The following ZNF7 variants were observed in gnomAD, a reference collection of about 807,000 sequenced individuals.
The protein encoded by ZNF7 is C2-H2 type zinc finger protein.
In ZNF7, 10 loss-of-function variants were observed where a neutral mutation model predicts 12.0. The observed-to-expected ratio is 0.83, with a 90% CI of 0.51 to 1.42. ZNF7 has a LOEUF of 1.42. Ranked by LOEUF, ZNF7 falls within the 40% of genes most tolerant of loss-of-function variation. The probability of loss-of-function intolerance (pLI) is 0.00; values close to 1 mark genes in which losing one functional copy is unlikely to be tolerated. For synonymous variants in ZNF7, 334 were observed against 295.0 expected (o/e 1.13, Z -1.35); for missense variants, 854 against 837.2 (o/e 1.02, Z -0.25).
chr8:144,837,941 T>C (rs916689359), intron 4 of ZNF7: 32 of 639,028 alleles, frequency 5.0e-5, no homozygotes, highest in Non-Finnish European at 8.9e-5. Context: ...ATTACTTTCC[T>C]GTGGCTGCCA....
rs201182747 is a variant in ZNF7, at chr8:144,838,523, C to CCT, written c.247+1018_247+1019dup. 7.7e-3 allele frequency: 1,490 copies of CCT among 192,800 alleles called. 24 individuals carry two copies. The highest frequency in any genetic ancestry group is 0.032 in the African/African-American group (1,368 of 42,954). The allele number at this position is 192,800 out of a possible 1,614,324, so 11.9% of individuals were successfully genotyped here. A position where few individuals can be genotyped will look rare whatever the true frequency, so the allele number is the denominator to read the frequency against. ...TCAGCTGCAGAAAGGAAGCCCCTCA[C>CCT]CTCCCTTTCAGTTGCTGCTGGGTCA... On this transcript the variant is annotated intron_variant, in intron 4 of 4. Coordinates refer to ENST00000532777, the MANE Select transcript of ZNF7 (RefSeq NM_003416.4).
rs56279420 is a variant in ZNF7 at position 144,843,526 on chromosome 8, T to C, written c.*358T>C. 0.24 allele frequency: 37,569 copies of C among 158,380 alleles called. 5,034 individuals carry two copies. The highest frequency in any genetic ancestry group is 0.31 in the Non-Finnish European group (22,777 of 74,228). The allele number at this position is 158,380 out of a possible 1,614,324, so 9.8% of individuals were successfully genotyped here. A position where few individuals can be genotyped will look rare whatever the true frequency, so the allele number is the denominator to read the frequency against. ...TGGCATCAGCCCAGGAGGCGGAGCT[T>C]GCAGTGAGCTGAGATCGCGCCACTG... On this transcript the variant is annotated 3_prime_UTR_variant, in exon 5 of 5. Coordinates refer to ENST00000532777, the MANE Select transcript of ZNF7 (RefSeq NM_003416.4).
At chr8:144,827,983 C>T (rs1053347688) in intron 1 of ZNF7, 18 of 152,434 alleles carry the variant, frequency 1.2e-4, no homozygotes, top group Admixed American at 9.8e-4. Context: ...AGAGCCTTTT[C>T]TCTTTCTATT....
Position 144,837,392 on chromosome 8 carries a change from A to T in ZNF7, c.132A>T (p.Ala44=). The T allele has an allele frequency of 6.2e-7, 1 of 1,607,190 alleles. No homozygotes were observed. The highest frequency in any genetic ancestry group is 8.5e-7 in the Non-Finnish European group (1 of 1,174,528). The change falls in exon 4 of 5, where the codon GCA becomes GCT. Residue 44 remains alanine, a splice_region_variant and synonymous_variant. Coordinates refer to ENST00000532777, the MANE Select transcript of ZNF7 (RefSeq NM_003416.4). ...LENHSSVAGL[A]GFLVFKPELI... is the part of the protein sequence containing the mutation. Reference sequence around the variant, plus strand: ...TTGTCTTCTCTGCCGCACACACAGCAGGATTCCTGGTTTTCAAGCCTGAGC... The same window carrying T: ...TTGTCTTCTCTGCCGCACACACAGCTGGATTCCTGGTTTTCAAGCCTGAGC...
At chr8:144,845,907 G>A (rs1830486078), downstream of ZNF7, 1 of 1,450,410 alleles carries the variant, frequency 6.9e-7, no homozygotes, top group Admixed American at 2.1e-5. Context: ...GGTCTTGGCA[G>A]GTAATGTGCT....
intron 3 of ZNF7, chr8:144,836,409 CACTT>C (rs1828995567): frequency 6.6e-6 from 1 of 152,182 alleles, no homozygotes; most frequent in Non-Finnish European, 1.5e-5. Flanking sequence ...ATACAGTTGC[CACTT>C]AGTCATTTAT....
In ZNF7 at chr8:144,841,619, G is replaced by A. The variant is rs748376984; in HGVS notation, c.512G>A (p.Cys171Tyr). The A allele has an allele frequency of 3.1e-6, 5 of 1,614,134 alleles. No individual in the cohort carries two copies. In the South Asian group the frequency reaches 3.3e-5, roughly 11 times the overall value. ...KTFTKDAPQG[C>Y]KELGSSGLDC... is the part of the protein sequence containing the mutation. ...TTCACCAAGGACGCACCCCAGGGAT[G>A]TAAGGAGCTGGGAAGCAGCGGCCTG... is the stretch of plus-strand genomic sequence containing the variant. The change falls in exon 5 of 5, where the codon TGT becomes TAT. Residue 171 changes from cysteine to tyrosine, a missense_variant. Transcript: ENST00000532777.
chr8:144,828,079 C>T (rs1016274996), intron 1 of ZNF7: 1 of 152,412 alleles, frequency 6.6e-6, no homozygotes. Flanking sequence ...TCTCTAAATT[C>T]TGGTTGCTAT....
At chr8:144,838,961 A>T (rs1829464459) in intron 4 of ZNF7, 2 of 146,846 alleles carry the variant, frequency 1.4e-5, no homozygotes, top group Admixed American at 6.7e-5. Context: ...AAAAAAAAAA[A>T]AGCAGGGGCT....
In ZNF7 at chr8:144,841,724, G is replaced by C. The variant is rs895000955; in HGVS notation, c.617G>C (p.Arg206Thr). Reference sequence around the variant, plus strand: ...TGCGAGGAGTGTGGCAAAGGCATCAGAGCCACTTCAGATATCGCTCTGCAT... The same window carrying C: ...TGCGAGGAGTGTGGCAAAGGCATCACAGCCACTTCAGATATCGCTCTGCAT... ...QRCEECGKGI[R>T]ATSDIALHWE... The change falls in exon 5 of 5, where the codon AGA becomes ACA. Residue 206 changes from arginine (R) to threonine (T), a missense_variant. Arg to Thr is a moderately conservative substitution (Grantham distance 71). Transcript: ENST00000532777. 1.9e-6 allele frequency: 3 copies of C among 1,614,036 alleles called. No homozygotes were observed. Among genetic ancestry groups the C allele is most frequent in the Non-Finnish European group, 2.5e-6 (3 of 1,180,038 alleles).
At chr8:144,835,196 A>G (rs951865835) in intron 3 of ZNF7, 2 of 149,256 alleles carry the variant, frequency 1.3e-5, no homozygotes, top group Admixed American at 1.3e-4. Flanking sequence ...TTATGCATTT[A>G]TATTTTCTTT....
At position 144,837,387 on chromosome 8, in the gene ZNF7, A is replaced by G; in HGVS notation, c.131-4A>G. Reference sequence around the variant, plus strand: ...CACTGTTGTCTTCTCTGCCGCACACACAGCAGGATTCCTGGTTTTCAAGCC... The same window carrying G: ...CACTGTTGTCTTCTCTGCCGCACACGCAGCAGGATTCCTGGTTTTCAAGCC... On this transcript the variant is annotated splice_polypyrimidine_tract_variant and splice_region_variant and intron_variant, in intron 3 of 4. Transcript: ENST00000532777. 1 of 1,604,318 alleles carries G rather than the reference A, an allele frequency of 6.2e-7. No individual in the cohort carries two copies. Among genetic ancestry groups the G allele is most frequent in the Non-Finnish European group, 8.5e-7 (1 of 1,172,314 alleles).
Position 144,829,275 on chromosome 8 carries a change from G to T in ZNF7, c.3+185G>T, listed in dbSNP as rs537961785. ...ACCAGGGCCTAATTGAGGCTCTTGAGGGGGGAGGGTTGTATGACCACCATG... is the reference window on the plus strand; with the variant it reads ...ACCAGGGCCTAATTGAGGCTCTTGATGGGGGAGGGTTGTATGACCACCATG... On this transcript the variant is annotated intron_variant, in intron 2 of 4. Transcript: ENST00000532777. The T allele has an allele frequency of 1.2e-5, 19 of 1,532,348 alleles. No homozygotes were observed. In the South Asian group the frequency reaches 1.4e-4, roughly 11 times the overall value. 94.9% of individuals were successfully genotyped at this position (1,532,348 alleles called of 1,614,324 possible).
rs370485110 is a variant in ZNF7 at position 144,843,079 on chromosome 8, G to A, written c.1972G>A (p.Gly658Arg). The change falls in exon 5 of 5, where the codon GGG becomes AGG. Residue 658 changes from glycine (G) to arginine (R), a missense_variant. Transcript: ENST00000532777. ...HLIIHQRIHTGEKPYKCNDCG... is the reference protein window; with the variant it reads ...HLIIHQRIHTREKPYKCNDCG... Reference sequence around the variant, plus strand: ...AATTATACACCAGAGAATTCACACCGGGGAGAAGCCTTATAAATGCAATGA... The same window carrying A: ...AATTATACACCAGAGAATTCACACCAGGGAGAAGCCTTATAAATGCAATGA... The A allele has an allele frequency of 3.0e-5, 48 of 1,613,522 alleles. No individual in the cohort carries two copies. The highest frequency in any genetic ancestry group is 8.3e-5 in the Admixed American group (5 of 59,914).
At chr8:144,840,783 G>A (rs1370794989) in intron 4 of ZNF7, among the ~76,000 whole-genome samples, 9 of 152,170 alleles carry the variant, frequency 5.9e-5, no homozygotes, top group Admixed American at 5.9e-4. Context: ...GGCAGCAGCA[G>A]CCAGGAGGCA....
Position 144,829,554 on chromosome 8 carries a change from C to T in ZNF7, c.80C>T (p.Ala27Val), listed in dbSNP as rs957654212. The T allele has an allele frequency of 6.2e-7, 1 of 1,614,068 alleles. No individual in the cohort carries two copies. Among genetic ancestry groups the T allele is most frequent in the Non-Finnish European group, 8.5e-7 (1 of 1,179,948 alleles). Residue 27 changes from alanine (A) to valine (V), a missense_variant, in exon 3 of 5, where the codon GCC becomes GTC. Ala to Val is a moderately conservative substitution (Grantham distance 64, BLOSUM62 0). Transcript: ENST00000532777. ...CAGTGTCTGGACCCTGGCCAGAGGG[C>T]CCTCTACAGGGAAGTGATGCTGGAG... Reference protein sequence around the residue: ...EWQCLDPGQRALYREVMLENH... With the variant: ...EWQCLDPGQRVLYREVMLENH...
chr8:144,841,871 G>A lies in ZNF7; in HGVS notation c.764G>A (p.Cys255Tyr), dbSNP rs753798723. Residue 255 changes from cysteine to tyrosine, a missense_variant, in exon 5 of 5, where the codon TGT (cysteine) becomes TAT (tyrosine). Cys to Tyr is a radical substitution (Grantham distance 194). Coordinates refer to ENST00000532777, the MANE Select transcript of ZNF7 (RefSeq NM_003416.4). ...HGEKPYECAE[C>Y]GKVFRLCSQL... is the part of the protein sequence containing the mutation. ...GAGAAGCCGTACGAATGTGCAGAGT[G>A]TGGGAAAGTCTTCAGGCTCTGCTCG... is the stretch of plus-strand genomic sequence containing the variant. 2.5e-6 allele frequency: 4 copies of A among 1,614,160 alleles called. No homozygotes were observed. The highest frequency in any genetic ancestry group is 2.5e-6 in the Non-Finnish European group (3 of 1,180,006).
intron 3 of ZNF7, chr8:144,833,881 A>G (rs1828714766): frequency 6.6e-6 from 1 of 150,778 alleles, no homozygotes; most frequent in African/African-American, 2.4e-5. Context: ...GTTGGGTTCA[A>G]GTGATTCGCC....
chr8:144,842,767 AAATGT>A lies in ZNF7; in HGVS notation c.1665_1669del (p.Cys555Ter). 6.2e-7 allele frequency: 1 copy of A among 1,614,176 alleles called. No homozygotes were observed. The highest frequency in any genetic ancestry group is 1.1e-5 in the South Asian group (1 of 91,086). ...GGTTCACACTGGAGAGAGGCCCTAT[AAATGT>A]AATGAATGTGGGAAAGCCTTCAGTC... On this transcript the variant is annotated frameshift_variant, in exon 5 of 5. Coordinates refer to ENST00000532777, the MANE Select transcript of ZNF7 (RefSeq NM_003416.4). LOFTEE classifies it low-confidence loss of function (END_TRUNC).
Sources: allele counts gnomAD v4.1 joint callset (sites outside exome capture counted in the v4.1 genomes callset), GRCh38; gene constraint gnomAD v4.1.1; transcripts MANE v1.5; gene names NCBI Gene and HGNC (gene_info 2026-07-23, HGNC 2026-07-21).